TAMM41: variants seen among roughly 807,000 people sequenced by gnomAD.
TAMM41 encodes the protein TAM41 mitochondrial translocator assembly and maintenance homolog, also known as phosphatidate cytidylyltransferase, mitochondrial.
A neutral mutation model predicts 44.1 loss-of-function variants in TAMM41; 36 were observed. The ratio of observed to expected loss-of-function variants is 0.82; its 90% CI spans 0.63 to 1.08. The LOEUF is 1.08. Ranked by LOEUF, TAMM41 falls within the 50% of genes least tolerant of loss-of-function variation. TAMM41 has a pLI of 0.00. For synonymous variants in TAMM41, 164 were observed against 153.1 expected, an observed-to-expected ratio of 1.07 and a Z score of -0.53; for missense variants, 417 against 404.3, an observed-to-expected ratio of 1.03 and a Z score of -0.27.
At chr3:11,739,839 C>T in the TAMM41 span, among the ~76,000 whole-genome samples, 1 of 152,094 alleles carries the variant, frequency 6.6e-6, no homozygotes, top group Non-Finnish European at 1.5e-5. Context: ...CTTATTGGAG[C>T]CATTGTTTCT....
chr3:11,839,338 A>G, intron 2 of TAMM41, 24 bp from the exon 3 acceptor site: 1 of 1,424,618 alleles, frequency 7.0e-7, no homozygotes. Context: ...GAAATGGCAC[A>G]AAACGGAGTA....
At chr3:11,725,415 TTC>T in the TAMM41 span, among the ~76,000 whole-genome samples, 36 of 99,914 alleles carry the variant, frequency 3.6e-4, no homozygotes, top group Admixed American at 2.3e-3. Flanking sequence ...CTTCTTCTTC[TTC>T]TTCTTCTTTC....
chr3:11,771,871 C>A, the TAMM41 span, among the ~76,000 whole-genome samples: 1 of 152,188 alleles, frequency 6.6e-6, no homozygotes, highest in Non-Finnish European at 1.5e-5. Flanking sequence ...GCGTGAGCCA[C>A]CACGCCCGGC....
chr3:11,807,704 C>T (rs1428116648), intron 7 of TAMM41, 129 bp downstream of exon 7: 3 of 1,536,186 alleles, frequency 2.0e-6, no homozygotes, highest in Non-Finnish European at 2.6e-6. Flanking sequence ...CTGCAATATC[C>T]CAGTTTATGG....
chr3:11,822,645 C>T (rs1215500600), intron 4 of TAMM41, among the ~76,000 whole-genome samples: 2 of 152,220 alleles, frequency 1.3e-5, no homozygotes, highest in African/African-American at 4.8e-5. Context: ...GAATTATACA[C>T]TATCTGGAGT....
At chr3:11,741,212 G>A in the TAMM41 span, among the ~76,000 whole-genome samples, 17 of 29,574 alleles carry the variant, frequency 5.7e-4, 1 homozygote, top group African/African-American at 2.0e-3. Flanking sequence ...ACAAGACACC[G>A]TCTCAAAAAA....
At chr3:11,771,065 C>G in the TAMM41 span, among the ~76,000 whole-genome samples, 1 of 152,218 alleles carries the variant, frequency 6.6e-6, no homozygotes, top group African/African-American at 2.4e-5. Flanking sequence ...AGGTCCCTCC[C>G]TGCTCTAGGT....
At chr3:11,781,754 T>TAAC in the TAMM41 span, among the ~76,000 whole-genome samples, 4 of 84,900 alleles carry the variant, frequency 4.7e-5, no homozygotes, top group African/African-American at 2.0e-4. Flanking sequence ...ATAATAATAA[T>TAAC]AATAATAATA....
chr3:11,803,251 G>A (rs1429087861), intron 7 of TAMM41, among the ~76,000 whole-genome samples: 3 of 152,196 alleles, frequency 2.0e-5, no homozygotes, highest in Non-Finnish European at 4.4e-5. Flanking sequence ...TAGCCTGGGT[G>A]ACAGAGATTC....
chr3:11,731,183 A>G, the TAMM41 span, among the ~76,000 whole-genome samples: 5 of 152,216 alleles, frequency 3.3e-5, no homozygotes, highest in Non-Finnish European at 5.9e-5. Flanking sequence ...GTACAAAATG[A>G]TTTTTGAAAT....
chr3:11,837,414 AAAG>A (rs1237790004), intron 3 of TAMM41, among the ~76,000 whole-genome samples: 3 of 152,110 alleles, frequency 2.0e-5, no homozygotes, highest in Admixed American at 2.0e-4. Context: ...GGAAAAAAAA[AAAG>A]AAGAAAGAAA....
downstream of TAMM41, among the ~76,000 whole-genome samples, chr3:11,789,246 C>G (rs2077435660): frequency 6.6e-6 from 1 of 152,198 alleles, no homozygotes; most frequent in East Asian, 1.9e-4. Context: ...GAAGTCTGCA[C>G]TCTTCACTAT....
At chr3:11,821,680 T>C (rs2078526720) in intron 4 of TAMM41, among the ~76,000 whole-genome samples, 1 of 152,142 alleles carries the variant, frequency 6.6e-6, no homozygotes, top group South Asian at 2.1e-4. Flanking sequence ...AGTCGAAGGA[T>C]GGAGGGTAGA....
At chr3:11,831,858 A>T (rs1364396312) in intron 3 of TAMM41, among the ~76,000 whole-genome samples, 2 of 152,204 alleles carry the variant, frequency 1.3e-5, no homozygotes, top group Non-Finnish European at 2.9e-5. Context: ...TAGGTAAGCC[A>T]CTTGATTCAA....
intron 7 of TAMM41, among the ~76,000 whole-genome samples, chr3:11,804,232 T>C (rs1168996799): frequency 1.3e-5 from 2 of 152,154 alleles, no homozygotes; most frequent in Admixed American, 6.5e-5. Context: ...CAAAGGCTCA[T>C]TTCAGGTTGA....
At chr3:11,833,591 C>A (rs1388231160) in intron 3 of TAMM41, among the ~76,000 whole-genome samples, 1 of 152,200 alleles carries the variant, frequency 6.6e-6, no homozygotes, top group Non-Finnish European at 1.5e-5. Context: ...CTGCTGGACT[C>A]TGGGCTCTTC....
chr3:11,738,482 T>C, the TAMM41 span, among the ~76,000 whole-genome samples: 1 of 152,344 alleles, frequency 6.6e-6, no homozygotes, highest in African/African-American at 2.4e-5. Flanking sequence ...TCAAATTGGC[T>C]AATGTTTTTG....
At chr3:11,747,883 T>TTA in the TAMM41 span, among the ~76,000 whole-genome samples, 55 of 139,830 alleles carry the variant, frequency 3.9e-4, 1 homozygote, top group African/African-American at 1.4e-3. Context: ...ATTTATTTAT[T>TTA]TTTTTTTTTG....
the TAMM41 span, among the ~76,000 whole-genome samples, chr3:11,760,828 T>C: frequency 6.6e-6 from 1 of 151,470 alleles, no homozygotes; most frequent in South Asian, 2.1e-4. Flanking sequence ...CCCAAAGTGC[T>C]GGGATTACAG....
Sources: gnomAD v4.1 joint callset for allele counts (sites outside exome capture counted in the v4.1 genomes callset) on GRCh38, gnomAD v4.1.1 for gene constraint, MANE v1.5 for transcripts, NCBI Gene and HGNC (gene_info 2026-07-23, HGNC 2026-07-21) for gene names.